LRRC74B: variants seen among roughly 807,000 people sequenced by gnomAD.
The protein encoded by LRRC74B is leucine-rich repeat-containing protein 74B.
Under a neutral mutation model 16.6 loss-of-function variants are expected in LRRC74B, and 30 were observed. The ratio of observed to expected loss-of-function variants is 1.80; its 90% CI spans 1.35 to 2.45. The LOEUF is 2.45. LRRC74B is among the 30% of genes most tolerant of loss of function. LRRC74B has a pLI of 0.00. For synonymous variants in LRRC74B, 134 were observed against 86.0 expected (o/e 1.56, Z -3.09); for missense variants, 326 against 202.4 (o/e 1.61, Z -3.71).
At chr22:21,055,243 T>A (rs1930419725) in intron 7 of LRRC74B, 67 bp downstream of exon 7, 2 of 679,498 alleles carry the variant, frequency 2.9e-6, no homozygotes, top group Non-Finnish European at 5.5e-6. Context: ...CACAGATCCC[T>A]CCCCCACAGC....
downstream of LRRC74B, among the ~76,000 whole-genome samples, chr22:21,061,050 G>A (rs1325131104): frequency 4.6e-5 from 7 of 152,118 alleles, no homozygotes; most frequent in African/African-American, 4.8e-5. Context: ...TCATGGGGCC[G>A]GACGCGGTGG....
chr22:21,060,588 C>G, downstream of LRRC74B: 1 of 660,398 alleles, frequency 1.5e-6, no homozygotes, highest in South Asian at 1.7e-5. Flanking sequence ...GTGAGGAGCT[C>G]TTTGACTCAC....
chr22:21,047,611 A>G, intron 2 of LRRC74B, 113 bp downstream of exon 2: 1 of 643,164 alleles, frequency 1.6e-6, no homozygotes, highest in Non-Finnish European at 2.8e-6. Context: ...TGCCTGTGTC[A>G]GTCATGCCCT....
chr22:21,055,287 G>A, intron 7 of LRRC74B, 111 bp downstream of exon 7: 2 of 650,760 alleles, frequency 3.1e-6, no homozygotes, highest in South Asian at 1.7e-5. Context: ...GTGCACACAG[G>A]CTGGCTCACT....
At chr22:21,048,620 CG>C in intron 3 of LRRC74B, 1 of 356,010 alleles carries the variant, frequency 2.8e-6, no homozygotes, top group Non-Finnish European at 5.3e-6. Context: ...ATCCTGGCAA[CG>C]GGGCTGTGAG....
At chr22:21,051,347 G>A (rs546883356) in intron 4 of LRRC74B, among the ~76,000 whole-genome samples, 1 of 152,128 alleles carries the variant, frequency 6.6e-6, no homozygotes, top group Admixed American at 6.6e-5. Context: ...ATGTTGCTCC[G>A]CCTTCATCTC....
exon 1 of LRRC74B, chr22:21,046,099 A>C (rs1032063847): frequency 9.8e-6 from 7 of 717,176 alleles, no homozygotes; most frequent in Non-Finnish European, 1.8e-5. Context: ...CCCGAGGCCA[A>C]TTGGGACTCC....
At chr22:21,047,933 G>T (rs1214175168) in exon 3 of LRRC74B, 2 of 717,444 alleles carry the variant, frequency 2.8e-6, no homozygotes, top group Non-Finnish European at 2.6e-6. Context: ...TATGTCAAGC[G>T]GCTGGACCTT....
chr22:21,062,855 C>T (rs1453353728), downstream of LRRC74B: 2 of 151,860 alleles, frequency 1.3e-5, no homozygotes, highest in Non-Finnish European at 1.5e-5. Context: ...TCGTGAGACC[C>T]CCGTTTCTAC....
downstream of LRRC74B, chr22:21,063,682 TAAC>T (rs1273571962): frequency 6.6e-6 from 1 of 151,958 alleles, no homozygotes; most frequent in East Asian, 1.9e-4. Context: ...AAAATAATAA[TAAC>T]AATAATATGC....
At position 21,048,395 on chromosome 22, in the gene LRRC74B, A is replaced by G. The variant is rs1929670927; in HGVS notation, c.415+379A>G. The stretch of plus-strand genomic sequence containing the variant: ...CAATGTGGGAGTTTGATGGGGCTGG[A>G]TCCAAATGCCAGTTCTGCCACTGAA... On this transcript the variant is annotated intron_variant, in intron 3 of 8. Coordinates refer to ENST00000442047, the Ensembl canonical transcript of LRRC74B. 1.4e-5 allele frequency: 4 copies of G among 278,418 alleles called. No homozygotes were observed. The Admixed American group carries it at 1.8e-4, about 13-fold the overall frequency. 17.2% of individuals were successfully genotyped at this position (278,418 alleles called of 1,614,324 possible).
At chr22:21,056,997 G>A (rs1930571116) in intron 7 of LRRC74B, 108 bp from the exon 8 acceptor site, 6 of 651,344 alleles carry the variant, frequency 9.2e-6, no homozygotes, top group South Asian at 9.0e-5. Flanking sequence ...AAACAGTGTG[G>A]CCATAGTGGC....
At chr22:21,046,937 C>CA (rs1569192918) in intron 1 of LRRC74B, among the ~76,000 whole-genome samples, 2 of 151,726 alleles carry the variant, frequency 1.3e-5, no homozygotes, top group Non-Finnish European at 2.9e-5. Flanking sequence ...ACTGAAAATA[C>CA]AAAAAACTAG....
downstream of LRRC74B, chr22:21,064,072 C>CG (rs200857387): frequency 6.5e-6 from 1 of 152,746 alleles, no homozygotes. Context: ...TATCCATGCC[C>CG]GGGGGCAATT....
exon 3 of LRRC74B, chr22:21,047,930 A>G (rs2148133925): frequency 1.4e-6 from 1 of 717,296 alleles, no homozygotes; most frequent in East Asian, 2.7e-5. Flanking sequence ...CCATATGTCA[A>G]GCGGCTGGAC....
chr22:21,052,029 G>C (rs1402043429), intron 4 of LRRC74B, among the ~76,000 whole-genome samples: 5 of 151,844 alleles, frequency 3.3e-5, no homozygotes, highest in Non-Finnish European at 7.4e-5. Context: ...CTGTTCTCAC[G>C]CCTCCCCCTT....
downstream of LRRC74B, chr22:21,063,973 T>TCAAAA (rs147466642): frequency 0.095 from 15,165 of 159,748 alleles, 1,034 homozygotes; most frequent in South Asian, 0.24. Context: ...AGACTCTGTC[T>TCAAAA]CAAAACAAAA....
exon 7 of LRRC74B, chr22:21,055,118 T>C (rs1478117242): frequency 1.4e-6 from 1 of 717,412 alleles, no homozygotes; most frequent in Admixed American, 2.0e-5. Flanking sequence ...ATCTCTGCGA[T>C]GGGAGCCCTG....
At chr22:21,051,139 G>A (rs1205867407) in intron 4 of LRRC74B, among the ~76,000 whole-genome samples, 1 of 152,112 alleles carries the variant, frequency 6.6e-6, no homozygotes. Flanking sequence ...GCAACAGGGT[G>A]AGACCGTGTC....
Sources: allele counts gnomAD v4.1 joint callset (sites outside exome capture counted in the v4.1 genomes callset), GRCh38; gene constraint gnomAD v4.1.1; transcripts MANE v1.5; gene names NCBI Gene and HGNC (gene_info 2026-07-23, HGNC 2026-07-21).